USP24: variants seen among roughly 807,000 people sequenced by gnomAD.
USP24 encodes ubiquitin carboxyl-terminal hydrolase 24.
A neutral mutation model predicts 361.6 loss-of-function variants in USP24; 97 were observed. The ratio of observed to expected loss-of-function variants is 0.27; its 90% CI spans 0.23 to 0.32. USP24 has a LOEUF of 0.32. Ranked by LOEUF, USP24 falls within the 10% of genes least tolerant of loss-of-function variation. USP24 has a pLI of 1.00. For synonymous variants in USP24, 1,098 were observed against 1,124.6 expected (o/e 0.98, Z 0.47); for missense variants, 2,353 against 3,165.6 (o/e 0.74, Z 6.16).
intron 56 of USP24, among the ~76,000 whole-genome samples, chr1:55,084,933 T>A (rs934643771): frequency 1.3e-5 from 2 of 152,186 alleles, no homozygotes; most frequent in Admixed American, 1.3e-4. Flanking sequence ...TTTGTTTGGG[T>A]TGGTACATGG....
At chr1:55,176,233 A>T in intron 3 of USP24, 143 bp downstream of exon 3, 1 of 556,726 alleles carries the variant, frequency 1.8e-6, no homozygotes, top group Non-Finnish European at 3.0e-6. Flanking sequence ...TCCGTTTTTC[A>T]TATTAGAGGA....
chr1:55,079,790 C>CTCTGAGT, intron 59 of USP24, 131 bp from the exon 60 acceptor site: 2 of 1,157,410 alleles, frequency 1.7e-6, no homozygotes, highest in Non-Finnish European at 2.3e-6. Flanking sequence ...AGTACTCACA[C>CTCTGAGT]ACTGAGTACT....
At chr1:55,189,116 T>C (rs1391164340) in intron 1 of USP24, among the ~76,000 whole-genome samples, 1 of 152,136 alleles carries the variant, frequency 6.6e-6, no homozygotes, top group Non-Finnish European at 1.5e-5. Context: ...CAAAGGTTAC[T>C]AAGTTTCCAC....
rs769998496 is a variant in USP24, at chr1:55,137,525, G to A, written c.3191C>T (p.Ala1064Val). The A allele has an allele frequency of 1.2e-6, 2 of 1,612,872 alleles. No homozygotes were observed. The highest frequency in any genetic ancestry group is 2.7e-5 in the African/African-American group (2 of 74,866). Residue 1064 changes from alanine (A) to valine (V), a missense_variant, in exon 28 of 68, where the codon GCC (alanine) becomes GTC (valine). Transcript: ENST00000294383. ...TTGATCACCCAGTACCTGCTCCATG[G>A]CATATGAAGAACTAAAAACCCCACT... ...SSSGVFSSSY[A>V]MEQEKSLPGV... is the part of the protein sequence containing the mutation.
intron 32 of USP24, among the ~76,000 whole-genome samples, chr1:55,126,972 T>C (rs1360291561): frequency 6.6e-6 from 1 of 152,224 alleles, no homozygotes; most frequent in African/African-American, 2.4e-5. Context: ...CTTTTATCTT[T>C]ATTCTTTTCT....
chr1:55,121,192 T>G (rs1161926369), intron 37 of USP24, among the ~76,000 whole-genome samples: 1 of 152,166 alleles, frequency 6.6e-6, no homozygotes, highest in Non-Finnish European at 1.5e-5. Context: ...GTAACGTTGT[T>G]ATAAACAAAA....
chr1:55,094,241 TC>T lies in USP24; in HGVS notation c.6204-155del, dbSNP rs368596675. ...AACTGTACCACATAAATATATACAA[TC>T]ATAATGTAACAATTAAGAAATTAAA... is the stretch of plus-strand genomic sequence containing the variant. On this transcript the variant is annotated intron_variant, in intron 51 of 67. Coordinates refer to ENST00000294383, the MANE Select transcript of USP24 (RefSeq NM_015306.3). Among the ~76,000 whole-genome samples the T allele has an allele frequency of 7.5e-3, 1,135 of 152,304 alleles. 12 individuals are homozygous for T. The highest frequency in any genetic ancestry group is 0.026 in the African/African-American group (1,101 of 41,564).
intron 62 of USP24, 46 bp downstream of exon 62, chr1:55,077,189 C>A (rs1350103183): frequency 5.7e-6 from 8 of 1,401,820 alleles, no homozygotes; most frequent in Non-Finnish European, 7.6e-6. Flanking sequence ...CACTTGTTGA[C>A]TAATACATTC....
In USP24 at chr1:55,106,229, G is replaced by T. The variant is rs1232292147; in HGVS notation, c.4797C>A (p.Phe1599Leu). 1 of 1,613,760 alleles carries T rather than the reference G, an allele frequency of 6.2e-7. No individual in the cohort carries two copies. Among genetic ancestry groups the T allele is most frequent in the African/African-American group, 1.3e-5 (1 of 74,936 alleles). ...AAATAATTCTAGAAGCTCGGAAAAG[G>T]AAGTCATCTAACAATGGTTTAATGA... ...SSLIKPLLDD[F>L]LFRASRIILN... Residue 1599 changes from phenylalanine (F) to leucine (L), a missense_variant, in exon 41 of 68, where the codon TTC becomes TTA. Coordinates refer to ENST00000294383, the MANE Select transcript of USP24 (RefSeq NM_015306.3).
At chr1:55,195,774 G>T (rs533586023) in intron 1 of USP24, among the ~76,000 whole-genome samples, 51 of 152,254 alleles carry the variant, frequency 3.3e-4, no homozygotes, top group South Asian at 1.0e-3. Flanking sequence ...TAAAGTGGTG[G>T]GTGCCAGGAG....
In USP24 at chr1:55,073,855, A is replaced by G; in HGVS notation, c.7499T>C (p.Val2500Ala). The G allele has an allele frequency of 6.3e-7, 1 of 1,580,528 alleles. No homozygotes were observed. The highest frequency in any genetic ancestry group is 8.6e-7 in the Non-Finnish European group (1 of 1,162,354). Residue 2500 changes from valine to alanine, a missense_variant, in exon 64 of 68, where the codon GTC becomes GCC. Physicochemically the swap from Val to Ala is moderately conservative, Grantham distance 64. Transcript: ENST00000294383. ...TTGAGCAAGAGTGACAAGAAATTTG[A>G]CACACTGGTAGCAGCGACTACTGTC... ...HVDSSRCYQC[V>A]KFLVTLAQKC...
At chr1:55,166,329 CT>C (rs1648856017) in intron 6 of USP24, among the ~76,000 whole-genome samples, 1 of 151,916 alleles carries the variant, frequency 6.6e-6, no homozygotes, top group Admixed American at 6.6e-5. Flanking sequence ...TGAGAGAATC[CT>C]TGCATTGATC....
At chr1:55,179,599 A>G (rs959443695) in intron 1 of USP24, among the ~76,000 whole-genome samples, 2 of 152,166 alleles carry the variant, frequency 1.3e-5, no homozygotes, top group Non-Finnish European at 2.9e-5. Context: ...ATCCCAGTGA[A>G]TGGCACCAGA....
chr1:55,153,886 T>C lies in USP24; in HGVS notation c.1844A>G (p.Lys615Arg). Residue 615 changes from lysine (K) to arginine (R), a missense_variant, in exon 16 of 68, where the codon AAG (lysine) becomes AGG (arginine). Physicochemically the swap from Lys to Arg is conservative, Grantham distance 26. Coordinates refer to ENST00000294383, the MANE Select transcript of USP24 (RefSeq NM_015306.3). Reference sequence around the variant, plus strand: ...AATTCTTACCTTGAATCCATCCTTCTTGTTTTTTTCCAAACCTGACCATTC... The same window carrying C: ...AATTCTTACCTTGAATCCATCCTTCCTGTTTTTTTCCAAACCTGACCATTC... ...PGEWSGLEKN[K>R]KDGFKSSQLN... The C allele has an allele frequency of 1.3e-6, 2 of 1,551,228 alleles. No homozygotes were observed. The highest frequency in any genetic ancestry group is 1.4e-5 in the African/African-American group (1 of 73,112).
intron 55 of USP24, 115 bp from the exon 56 acceptor site, chr1:55,086,153 G>T: frequency 1.0e-6 from 1 of 981,888 alleles, no homozygotes; most frequent in Non-Finnish European, 1.6e-6. Flanking sequence ...TCCTGACAGT[G>T]TTAGCGCTTA....
chr1:55,182,875 C>T (rs1199993403), intron 1 of USP24, among the ~76,000 whole-genome samples: 1 of 152,072 alleles, frequency 6.6e-6, no homozygotes, highest in Non-Finnish European at 1.5e-5. Flanking sequence ...CCACCATGTC[C>T]AGCTCATTTT....
chr1:55,176,295 A>G, intron 3 of USP24, 81 bp downstream of exon 3: 1 of 1,314,642 alleles, frequency 7.6e-7, no homozygotes, highest in Non-Finnish European at 1.0e-6. Flanking sequence ...AAAAACTAAA[A>G]TTAAAACAAA....
chr1:55,148,188 A>AT (rs1201069208), intron 17 of USP24, among the ~76,000 whole-genome samples: 1 of 151,962 alleles, frequency 6.6e-6, no homozygotes, highest in Non-Finnish European at 1.5e-5. Context: ...TTTCAAACCA[A>AT]TTTTTAAAAT....
chr1:55,125,823 C>A, intron 32 of USP24, 65 bp from the exon 33 acceptor site: 1 of 1,359,450 alleles, frequency 7.4e-7, no homozygotes, highest in South Asian at 1.3e-5. Context: ...TTAAATTTTC[C>A]ATAAGTAATG....
Sources: gnomAD v4.1 joint callset for allele counts (sites outside exome capture counted in the v4.1 genomes callset) on GRCh38, gnomAD v4.1.1 for gene constraint, MANE v1.5 for transcripts, NCBI Gene and HGNC (gene_info 2026-07-23, HGNC 2026-07-21) for gene names.